FAM200B: variants seen among roughly 807,000 people sequenced by gnomAD.
The protein encoded by FAM200B is zinc finger BED-type containing 11.
In FAM200B, 32 loss-of-function variants were observed where a neutral mutation model predicts 33.1. That is an observed-to-expected ratio of 0.97 (90% CI 0.73 to 1.30). FAM200B has a LOEUF of 1.30. Ranked by LOEUF, FAM200B falls within the 50% of genes most tolerant of loss-of-function variation. The probability of loss-of-function intolerance (pLI) is 0.00; values close to 1 mark genes in which losing one functional copy is unlikely to be tolerated. For missense variants in FAM200B, 741 were observed against 754.0 expected, an observed-to-expected ratio of 0.98 and a Z score of 0.20; for synonymous variants, 240 against 264.8, an observed-to-expected ratio of 0.91 and a Z score of 0.91.
At chr4:15,637,209 G>T in the FAM200B span, among the ~76,000 whole-genome samples, 7 of 152,166 alleles carry the variant, frequency 4.6e-5, no homozygotes, top group African/African-American at 1.7e-4. Context: ...TTAACCTAGA[G>T]ATGCTTTAAA....
the FAM200B span, among the ~76,000 whole-genome samples, chr4:15,670,529 T>C: frequency 6.6e-6 from 1 of 152,208 alleles, no homozygotes; most frequent in Non-Finnish European, 1.5e-5. Context: ...AGGCATAAAA[T>C]TGGATCTTGT....
chr4:15,641,486 G>A, the FAM200B span: 22 of 352,914 alleles, frequency 6.2e-5, no homozygotes, highest in African/African-American at 1.7e-4. Flanking sequence ...TTTTTCTTCC[G>A]TATGATGTTC....
At chr4:15,650,626 T>A in the FAM200B span, among the ~76,000 whole-genome samples, 2 of 151,044 alleles carry the variant, frequency 1.3e-5, no homozygotes, top group Admixed American at 6.6e-5. Flanking sequence ...TAACATGATA[T>A]CTTCCACATT....
the FAM200B span, among the ~76,000 whole-genome samples, chr4:15,651,121 G>C: frequency 6.6e-6 from 1 of 152,120 alleles, no homozygotes; most frequent in African/African-American, 2.4e-5. Context: ...TACTCACTCA[G>C]ACAATGCTTT....
chr4:15,639,574 T>A, the FAM200B span, among the ~76,000 whole-genome samples: 1 of 152,226 alleles, frequency 6.6e-6, no homozygotes, highest in African/African-American at 2.4e-5. Context: ...AGAATTAGAA[T>A]CTTTAGAGGT....
Position 15,687,147 on chromosome 4 carries a change from A to C in FAM200B, c.170A>C (p.Lys57Thr), listed in dbSNP as rs1718926729. The change falls in exon 2 of 2, where the codon AAA becomes ACA. Residue 57 changes from lysine to threonine, a missense_variant. Transcript: ENST00000422728. ...TSFEPHFKKK[K>T]VSARRYNEDY... ...TTTGAGCCACATTTCAAAAAGAAAA[A>C]AGTAAGTGCAAGACGTTATAATGAA... 1.9e-6 allele frequency: 3 copies of C among 1,547,710 alleles called. No individual in the cohort carries two copies. Among genetic ancestry groups the C allele is most frequent in the Non-Finnish European group, 2.6e-6 (3 of 1,145,544 alleles).
the FAM200B span, among the ~76,000 whole-genome samples, chr4:15,641,063 T>G: frequency 2.0e-5 from 3 of 152,120 alleles, no homozygotes; most frequent in African/African-American, 7.2e-5. Flanking sequence ...TTGAATTACT[T>G]TAGTAATGTA....
At chr4:15,641,553 T>C in the FAM200B span, 13 of 451,478 alleles carry the variant, frequency 2.9e-5, no homozygotes, top group Admixed American at 2.7e-4. Context: ...ATATATATTT[T>C]ACATATAATA....
At chr4:15,658,545 A>G in the FAM200B span, among the ~76,000 whole-genome samples, 1 of 152,170 alleles carries the variant, frequency 6.6e-6, no homozygotes, top group Non-Finnish European at 1.5e-5. Context: ...CAAGAGGAAG[A>G]AAGACCTGTG....
chr4:15,640,368 C>A, the FAM200B span, among the ~76,000 whole-genome samples: 2 of 113,382 alleles, frequency 1.8e-5, no homozygotes, highest in African/African-American at 3.3e-5. Flanking sequence ...TTAAAGCCAC[C>A]ATTTAAATAC....
intron 1 of FAM200B, among the ~76,000 whole-genome samples, 190 bp from the exon 2 acceptor site, chr4:15,686,046 T>C (rs1274498838): frequency 6.6e-6 from 1 of 152,224 alleles, no homozygotes; most frequent in Non-Finnish European, 1.5e-5. Flanking sequence ...TTTTTCTATT[T>C]ACTAATCTCA....
At chr4:15,683,714 T>C (rs1473325758) in intron 1 of FAM200B, among the ~76,000 whole-genome samples, 1 of 152,230 alleles carries the variant, frequency 6.6e-6, no homozygotes, top group African/African-American at 2.4e-5. Context: ...TATTATGAAG[T>C]AGAATCTTTA....
chr4:15,678,471 A>C (rs1196264958), upstream of FAM200B, among the ~76,000 whole-genome samples: 3 of 152,192 alleles, frequency 2.0e-5, no homozygotes, highest in Non-Finnish European at 4.4e-5. Context: ...TAATAACTCA[A>C]AGGGGTTACA....
intron 1 of FAM200B, among the ~76,000 whole-genome samples, chr4:15,683,526 A>G (rs1050293395): frequency 9.9e-5 from 15 of 152,244 alleles, no homozygotes; most frequent in African/African-American, 3.4e-4. Context: ...TAGTTAAAAG[A>G]CAATTGCTTC....
chr4:15,650,965 A>G, the FAM200B span, among the ~76,000 whole-genome samples: 838 of 152,312 alleles, frequency 5.5e-3, 7 homozygotes, highest in African/African-American at 0.019. Flanking sequence ...TTCTACAGTG[A>G]TAAATCAAGT....
chr4:15,654,593 A>G, the FAM200B span, among the ~76,000 whole-genome samples: 2 of 152,246 alleles, frequency 1.3e-5, no homozygotes, highest in Non-Finnish European at 2.9e-5. Context: ...ACACATGAAG[A>G]GTGAAGGTTC....
At chr4:15,646,242 A>G in the FAM200B span, among the ~76,000 whole-genome samples, 10 of 152,184 alleles carry the variant, frequency 6.6e-5, no homozygotes, top group Non-Finnish European at 1.0e-4. Context: ...ATAATTTTTC[A>G]CATGTCACAA....
chr4:15,646,778 G>A, the FAM200B span, among the ~76,000 whole-genome samples: 1 of 145,752 alleles, frequency 6.9e-6, no homozygotes, highest in Admixed American at 7.4e-5. Flanking sequence ...TTCCCACTAT[G>A]AGTGAGAACA....
At chr4:15,654,027 GGA>G in the FAM200B span, among the ~76,000 whole-genome samples, 1 of 152,182 alleles carries the variant, frequency 6.6e-6, no homozygotes, top group Non-Finnish European at 1.5e-5. Context: ...ATGGAGGGAG[GGA>G]GAAGATGGAG....
Sources: gnomAD v4.1 joint callset for allele counts (sites outside exome capture counted in the v4.1 genomes callset) on GRCh38, gnomAD v4.1.1 for gene constraint, MANE v1.5 for transcripts, NCBI Gene and HGNC (gene_info 2026-07-23, HGNC 2026-07-21) for gene names.